SSH2: variants seen among roughly 807,000 people sequenced by gnomAD.
SSH2 encodes the protein protein phosphatase Slingshot homolog 2.
A neutral mutation model predicts 135.2 loss-of-function variants in SSH2; 37 were observed. That is an observed-to-expected ratio of 0.27 (90% CI 0.21 to 0.36). SSH2 has a LOEUF of 0.36. SSH2 is among the 10% of genes least tolerant of loss of function. SSH2 has a pLI of 1.00. For synonymous variants in SSH2, 628 were observed against 646.2 expected, an observed-to-expected ratio of 0.97 and a Z score of 0.43; for missense variants, 1,408 against 1,765.3, an observed-to-expected ratio of 0.80 and a Z score of 3.63.
intron 3 of SSH2, chr17:29,761,296 A>T: frequency 7.8e-7 from 1 of 1,278,296 alleles, no homozygotes; most frequent in South Asian, 1.2e-5. Context: ...CTCAAAGTGC[A>T]CAACTCCGCA....
intron 3 of SSH2, among the ~76,000 whole-genome samples, chr17:29,767,229 G>A (rs1242991255): frequency 6.6e-6 from 1 of 152,110 alleles, no homozygotes; most frequent in African/African-American, 2.4e-5. Flanking sequence ...ATGCTGAAAT[G>A]CTGCTTTCTT....
chr17:29,635,204 C>A (rs2035852121), intron 15 of SSH2, among the ~76,000 whole-genome samples: 1 of 151,916 alleles, frequency 6.6e-6, no homozygotes, highest in Non-Finnish European at 1.5e-5. Flanking sequence ...GCCCGGCCAG[C>A]ACATTATTAA....
intron 1 of SSH2, among the ~76,000 whole-genome samples, chr17:29,850,991 G>GAAAC (rs901975445): frequency 2.0e-5 from 3 of 151,808 alleles, no homozygotes; most frequent in Non-Finnish European, 2.9e-5. Flanking sequence ...TCTCAAAAAA[G>GAAAC]AAACAAACAA....
At chr17:29,772,742 C>A (rs2041614257) in intron 3 of SSH2, among the ~76,000 whole-genome samples, 1 of 152,076 alleles carries the variant, frequency 6.6e-6, no homozygotes, top group Non-Finnish European at 1.5e-5. Context: ...AGCTAGGATA[C>A]TCTTCTCCTC....
intron 14 of SSH2, among the ~76,000 whole-genome samples, chr17:29,637,937 A>G (rs1002200854): frequency 5.3e-5 from 8 of 152,034 alleles, no homozygotes; most frequent in African/African-American, 1.7e-4. Context: ...AACATGGTGA[A>G]ACCCCGTCTC....
intron 1 of SSH2, among the ~76,000 whole-genome samples, chr17:29,880,095 A>G (rs1433105530): frequency 6.6e-6 from 1 of 152,132 alleles, no homozygotes; most frequent in Non-Finnish European, 1.5e-5. Flanking sequence ...TCCATTATCC[A>G]TCTAGCTAGC....
chr17:29,922,577 C>G (rs559074539), intron 1 of SSH2, among the ~76,000 whole-genome samples: 1 of 152,250 alleles, frequency 6.6e-6, no homozygotes, highest in South Asian at 2.1e-4. Context: ...TTGAAAAATA[C>G]GTGACCTAAC....
At chr17:29,684,515 A>G (rs1285035491) in intron 6 of SSH2, 48 bp downstream of exon 6, 19 of 1,456,856 alleles carry the variant, frequency 1.3e-5, no homozygotes, top group Non-Finnish European at 1.8e-5. Flanking sequence ...CAACTGGAAC[A>G]GGTTACTTAA....
chr17:29,715,251 CT>C (rs869218944), intron 3 of SSH2, among the ~76,000 whole-genome samples: 203 of 124,924 alleles, frequency 1.6e-3, no homozygotes, highest in Admixed American at 2.2e-3. Flanking sequence ...TTCTTTCTTT[CT>C]TTTTTTTTTT....
At chr17:29,726,482 T>C (rs981314196) in intron 3 of SSH2, among the ~76,000 whole-genome samples, 2 of 152,050 alleles carry the variant, frequency 1.3e-5, no homozygotes, top group African/African-American at 4.8e-5. Context: ...GGAGAATGGA[T>C]TGGAAGAGGG....
chr17:29,797,985 A>G (rs1229711020), intron 2 of SSH2, among the ~76,000 whole-genome samples: 1 of 152,142 alleles, frequency 6.6e-6, no homozygotes, highest in East Asian at 1.9e-4. Context: ...GTCACAAGAC[A>G]GAGGCATGTA....
chr17:29,881,406 G>A (rs2066134515), intron 1 of SSH2, among the ~76,000 whole-genome samples: 1 of 152,166 alleles, frequency 6.6e-6, no homozygotes, highest in Non-Finnish European at 1.5e-5. Flanking sequence ...AGGGAATTGT[G>A]AACAATCTGT....
At chr17:29,650,948 A>G in intron 12 of SSH2, 148 bp from the exon 13 acceptor site, 1 of 612,556 alleles carries the variant, frequency 1.6e-6, no homozygotes, top group South Asian at 3.3e-5. Context: ...CTAAGAGGTT[A>G]TATTTATTTA....
chr17:29,880,266 C>T (rs1036801196), intron 1 of SSH2, among the ~76,000 whole-genome samples: 16 of 152,160 alleles, frequency 1.1e-4, no homozygotes, highest in East Asian at 5.8e-4. Flanking sequence ...ACTACAGGCA[C>T]GTACCACCCA....
At chr17:29,827,612 C>T (rs1284365503) in intron 2 of SSH2, among the ~76,000 whole-genome samples, 2 of 152,146 alleles carry the variant, frequency 1.3e-5, no homozygotes, top group African/African-American at 4.8e-5. Context: ...TCTTCTAAAA[C>T]TTGGCTAAAC....
At chr17:29,888,617 A>G (rs997354418) in intron 1 of SSH2, among the ~76,000 whole-genome samples, 2 of 152,058 alleles carry the variant, frequency 1.3e-5, no homozygotes, top group African/African-American at 4.8e-5. Flanking sequence ...CCTTAACCAT[A>G]CAAACAGTAG....
chr17:29,680,397 A>C (rs993465895), intron 6 of SSH2, among the ~76,000 whole-genome samples: 2 of 151,572 alleles, frequency 1.3e-5, no homozygotes, highest in Non-Finnish European at 2.9e-5. Flanking sequence ...AAATACAAAA[A>C]TTAGCTGGGT....
chr17:29,825,022 TG>T (rs1415846458), intron 2 of SSH2, among the ~76,000 whole-genome samples: 1 of 152,142 alleles, frequency 6.6e-6, no homozygotes, highest in Admixed American at 6.5e-5. Context: ...CAGAGGTATG[TG>T]GTGAAGAGAG....
chr17:29,784,892 T>A (rs2041927554), intron 3 of SSH2, among the ~76,000 whole-genome samples: 1 of 152,208 alleles, frequency 6.6e-6, no homozygotes. Flanking sequence ...GACTCAGCTC[T>A]GGCCCACATT....
Sources: allele counts gnomAD v4.1 joint callset (sites outside exome capture counted in the v4.1 genomes callset), GRCh38; gene constraint gnomAD v4.1.1; transcripts MANE v1.5; gene names NCBI Gene and HGNC (gene_info 2026-07-23, HGNC 2026-07-21).